Variants in UGT2B17 observed in about 807,000 individuals in gnomAD.
The protein encoded by UGT2B17 is UDP-glucuronosyltransferase 2B17.
In UGT2B17, 21 loss-of-function variants were observed where a neutral mutation model predicts 48.2. The ratio of observed to expected loss-of-function variants is 0.44; its 90% CI spans 0.31 to 0.63. UGT2B17 has a LOEUF of 0.63. UGT2B17 is among the 20% of genes least tolerant of loss of function. UGT2B17 has a pLI of 0.08. For missense variants in UGT2B17, 402 were observed against 696.1 expected (o/e 0.58, Z 4.75); for synonymous variants, 146 against 238.4 (o/e 0.61, Z 3.57).
In UGT2B17 at chr4:68,543,133, G is replaced by C. The variant is rs1450112311; in HGVS notation, c.1314-5229C>G. ...GCAGCTTGAGATCTGAGAATGGACA[G>C]ACTGCTACTCAAGTGGGTCCTGATC... On this transcript the variant is annotated intron_variant, in intron 6 of 6. Transcript: ENST00000317746. 7.1e-5 allele frequency among the ~76,000 whole-genome samples: 9 copies of C among 126,284 alleles called. 1 individual carries two copies. Among genetic ancestry groups the C allele is most frequent in the Non-Finnish European group, 1.5e-4 (9 of 59,578 alleles). The allele number at this position is 126,284 out of a possible 152,430, so 82.8% of individuals were successfully genotyped here. A position where few individuals can be genotyped will look rare whatever the true frequency, so the allele number is the denominator to read the frequency against.
rs780341847 is a variant in UGT2B17 at position 68,568,459 on chromosome 4, A to G, written c.26T>C (p.Phe9Ser). The change falls in exon 2 of 7, where the codon TTT (phenylalanine) becomes TCT (serine). Residue 9 changes from phenylalanine (F) to serine (S), a missense_variant. Physicochemically the swap from Phe to Ser is radical, Grantham distance 155. Coordinates refer to ENST00000317746, the MANE Select transcript of UGT2B17 (RefSeq NM_001077.4). Reference sequence around the variant, plus strand: ...GTAACAACTGAGCTGCATCAGCAGAAAGACTGACATCCATTTCAGAGACAT... The same window carrying G: ...GTAACAACTGAGCTGCATCAGCAGAGAGACTGACATCCATTTCAGAGACAT... MSLKWMSVFLLMQLSCYFS... is the reference protein window; with the variant it reads MSLKWMSVSLLMQLSCYFS... 1.5e-6 allele frequency: 2 copies of G among 1,359,994 alleles called. No individual in the cohort carries two copies. The highest frequency in any genetic ancestry group is 1.9e-6 in the Non-Finnish European group (2 of 1,049,830). The allele number at this position is 1,359,994 out of a possible 1,614,324, so 84.2% of individuals were successfully genotyped here. A position where few individuals can be genotyped will look rare whatever the true frequency, so the allele number is the denominator to read the frequency against.
At position 68,565,031 on chromosome 4, in the gene UGT2B17, C is replaced by A. The variant is rs146333084; in HGVS notation, c.873+541G>T. Among the ~76,000 whole-genome samples, 548 of 126,048 alleles carry A rather than the reference C, an allele frequency of 4.3e-3. 94 individuals are homozygous for A. Among genetic ancestry groups the A allele is most frequent in the African/African-American group, 0.013 (495 of 36,984 alleles). The allele number at this position is 126,048 out of a possible 152,430, so 82.7% of individuals were successfully genotyped here. On this transcript the variant is annotated intron_variant, in intron 3 of 6. Coordinates refer to ENST00000317746, the MANE Select transcript of UGT2B17 (RefSeq NM_001077.4). ...CCTCTGGTTTTCTTTTTGGGTCTTT[C>A]TCATCCCCTCATCGTTTCACCTATC... is the stretch of plus-strand genomic sequence containing the variant.
At chr4:68,556,722 C>A (rs1326143126) in intron 4 of UGT2B17, among the ~76,000 whole-genome samples, 3 of 125,372 alleles carry the variant, frequency 2.4e-5, no homozygotes, top group African/African-American at 8.1e-5. Context: ...ATTGTTCATA[C>A]AATTTTGAAA....
intron 4 of UGT2B17, among the ~76,000 whole-genome samples, chr4:68,556,598 G>A (rs1462734656): frequency 7.9e-6 from 1 of 125,896 alleles, no homozygotes; most frequent in African/African-American, 2.7e-5. Flanking sequence ...ATGGGCCCCT[G>A]TGTCAGATTA....
Position 68,546,478 on chromosome 4 carries a change from G to A in UGT2B17, c.1313+4199C>T, listed in dbSNP as rs1284341900. Among the ~76,000 whole-genome samples the A allele has an allele frequency of 2.4e-5, 3 of 126,490 alleles. 1 individual carries two copies. Among genetic ancestry groups the A allele is most frequent in the Admixed American group, 1.6e-4 (2 of 12,336 alleles). The allele number at this position is 126,490 out of a possible 152,430, so 83.0% of individuals were successfully genotyped here. On this transcript the variant is annotated intron_variant, in intron 6 of 6. Coordinates refer to ENST00000317746, the MANE Select transcript of UGT2B17 (RefSeq NM_001077.4). The stretch of plus-strand genomic sequence containing the variant: ...ACCCACAGCAAATATCATGTTGAAT[G>A]GGCAAAAGGTGGAAGCATTCCCTTT...
At chr4:68,567,651 C>G in intron 2 of UGT2B17, 110 bp downstream of exon 2, 1 of 830,486 alleles carries the variant, frequency 1.2e-6, no homozygotes, top group Non-Finnish European at 1.6e-6. Flanking sequence ...ATTTGCAATT[C>G]ATAATTTCCC....
intron 1 of UGT2B17, among the ~76,000 whole-genome samples, chr4:68,572,192 T>G (rs1731305743): frequency 7.9e-6 from 1 of 126,660 alleles, no homozygotes; most frequent in African/African-American, 2.7e-5. Context: ...TTTTTTAATT[T>G]AGAGAATCAC....
chr4:68,569,028 C>T (rs1423889543), intron 1 of UGT2B17, among the ~76,000 whole-genome samples: 1 of 135,572 alleles, frequency 7.4e-6, no homozygotes, highest in Non-Finnish European at 1.6e-5. Flanking sequence ...TAGGCAACCA[C>T]TAATCTAATT....
chr4:68,558,623 C>T (rs1343566707), intron 4 of UGT2B17, among the ~76,000 whole-genome samples: 1 of 125,882 alleles, frequency 7.9e-6, no homozygotes, highest in African/African-American at 2.7e-5. Context: ...GACTTCAGAA[C>T]CTGCTAAAAA....
rs1288718400 is a variant in UGT2B17 at position 68,569,561 on chromosome 4, G to A, written c.-64-1013C>T. Reference sequence around the variant, plus strand: ...GCAGGGGGTTCAAAGATTCTTCTGGGGCCTGAAAGCTTGAAGGGATGAGTA... The same window carrying A: ...GCAGGGGGTTCAAAGATTCTTCTGGAGCCTGAAAGCTTGAAGGGATGAGTA... On this transcript the variant is annotated intron_variant, in intron 1 of 6. Transcript: ENST00000317746. 4.8e-5 allele frequency among the ~76,000 whole-genome samples: 6 copies of A among 124,788 alleles called. 1 individual carries two copies. Among genetic ancestry groups the A allele is most frequent in the African/African-American group, 1.4e-4 (5 of 36,410 alleles). 81.9% of individuals were successfully genotyped at this position (124,788 alleles called of 152,430 possible).
chr4:68,549,838 G>A (rs1347924433), intron 6 of UGT2B17, among the ~76,000 whole-genome samples: 2 of 125,688 alleles, frequency 1.6e-5, no homozygotes, highest in Non-Finnish European at 3.4e-5. Flanking sequence ...CAGAAAATAT[G>A]TATAACAATA....
Position 68,551,076 on chromosome 4 carries a change from A to T in UGT2B17, c.1094-180T>A, listed in dbSNP as rs1363295966. On this transcript the variant is annotated intron_variant, in intron 5 of 6. Coordinates refer to ENST00000317746, the MANE Select transcript of UGT2B17 (RefSeq NM_001077.4). ...AAGCACCTACTTCTGCTGGAAAGGT[A>T]AGTGAAGGCTACATGAAAAGGTGGT... Among the ~76,000 whole-genome samples, 2 of 126,084 alleles carry T rather than the reference A, an allele frequency of 1.6e-5. 1 individual carries two copies. The allele number at this position is 126,084 out of a possible 152,430, so 82.7% of individuals were successfully genotyped here. A position where few individuals can be genotyped will look rare whatever the true frequency, so the allele number is the denominator to read the frequency against.
At position 68,571,612 on chromosome 4, in the gene UGT2B17, T is replaced by A. The variant is rs1262750604; in HGVS notation, c.-64-3064A>T. 2.4e-5 allele frequency among the ~76,000 whole-genome samples: 3 copies of A among 126,092 alleles called. 1 individual carries two copies. Among genetic ancestry groups the A allele is most frequent in the African/African-American group, 8.2e-5 (3 of 36,728 alleles). 82.7% of individuals were successfully genotyped at this position (126,092 alleles called of 152,430 possible). On this transcript the variant is annotated intron_variant, in intron 1 of 6. Transcript: ENST00000317746. ...TAGCTATGCAATACTGTCTAATAAT[T>A]GAGACTTTTAGAACCTAGAGATGAT...
intron 3 of UGT2B17, among the ~76,000 whole-genome samples, chr4:68,564,180 G>T (rs1731151943): frequency 8.3e-6 from 1 of 120,264 alleles, no homozygotes; most frequent in Non-Finnish European, 1.7e-5. Context: ...TGAGAACATT[G>T]GGATTTTTTT....
In UGT2B17 at chr4:68,548,864, C is replaced by A. The variant is rs1395378682; in HGVS notation, c.1313+1813G>T. Among the ~76,000 whole-genome samples, 2 of 124,876 alleles carry A rather than the reference C, an allele frequency of 1.6e-5. 1 individual carries two copies. The highest frequency in any genetic ancestry group is 3.4e-5 in the Non-Finnish European group (2 of 59,182). The allele number at this position is 124,876 out of a possible 152,430, so 81.9% of individuals were successfully genotyped here. ...GCATATTGATTTTTCTATCCGGAGG[C>A]TTTGCTGAAGTTGCTTATCAGCTTA... is the stretch of plus-strand genomic sequence containing the variant. On this transcript the variant is annotated intron_variant, in intron 6 of 6. Transcript: ENST00000317746.
chr4:68,563,186 T>C lies in UGT2B17; in HGVS notation c.873+2386A>G, dbSNP rs1731134725. 2.4e-5 allele frequency among the ~76,000 whole-genome samples: 3 copies of C among 127,394 alleles called. 1 individual carries two copies. The South Asian group carries it at 1.0e-3, about 45-fold the overall frequency. The allele number at this position is 127,394 out of a possible 152,430, so 83.6% of individuals were successfully genotyped here. On this transcript the variant is annotated intron_variant, in intron 3 of 6. Transcript: ENST00000317746. ...TTATTCTTTTGAAATATACAAACAT[T>C]ATCTGAGAATCTAATACATAATGGA...
At chr4:68,573,910 C>T (rs1731330681) in intron 1 of UGT2B17, among the ~76,000 whole-genome samples, 1 of 126,440 alleles carries the variant, frequency 7.9e-6, no homozygotes. Context: ...GGCTGACTGG[C>T]AGGGACTTCA....
intron 2 of UGT2B17, among the ~76,000 whole-genome samples, 167 bp downstream of exon 2, chr4:68,567,594 C>T: frequency 8.0e-6 from 1 of 125,080 alleles, no homozygotes; most frequent in Non-Finnish European, 1.7e-5. Flanking sequence ...CTAACTGATT[C>T]TATAAGGTCA....
At chr4:68,559,648 G>GT (rs1451836816) in intron 4 of UGT2B17, among the ~76,000 whole-genome samples, 4 of 126,330 alleles carry the variant, frequency 3.2e-5, no homozygotes, top group Non-Finnish European at 5.0e-5. Context: ...AGAGGGCTAT[G>GT]CAGATAAGAA....
Sources: gnomAD v4.1 joint callset for allele counts (sites outside exome capture counted in the v4.1 genomes callset) on GRCh38, gnomAD v4.1.1 for gene constraint, MANE v1.5 for transcripts, NCBI Gene and HGNC (gene_info 2026-07-23, HGNC 2026-07-21) for gene names.